Variants in SLC24A2 observed in about 807,000 individuals in gnomAD.
SLC24A2 encodes solute carrier family 24 member 2, also known as sodium/potassium/calcium exchanger 2.
SLC24A2 carries 36 observed loss-of-function variants against 62.0 expected under a neutral mutation model. The observed-to-expected ratio is 0.58, with a 90% CI of 0.44 to 0.77. The LOEUF (loss-of-function observed/expected upper bound fraction) is 0.77. Ranked by LOEUF, SLC24A2 falls within the 30% of genes least tolerant of loss-of-function variation. The pLI, the probability that SLC24A2 is intolerant of heterozygous loss-of-function variation, is 0.00. For missense variants in SLC24A2, 846 were observed against 817.9 expected (o/e 1.03, Z -0.42); for synonymous variants, 358 against 294.0 (o/e 1.22, Z -2.23).
At chr9:19,580,965 C>T (rs181534822) in intron 5 of SLC24A2, among the ~76,000 whole-genome samples, 3 of 152,180 alleles carry the variant, frequency 2.0e-5, no homozygotes, top group Non-Finnish European at 4.4e-5. Flanking sequence ...CAGGGGTCTT[C>T]TGTGAGAAAA....
chr9:20,061,160 G>C, the SLC24A2 span, among the ~76,000 whole-genome samples: 1 of 152,072 alleles, frequency 6.6e-6, no homozygotes, highest in Non-Finnish European at 1.5e-5. Flanking sequence ...AAGCAATTTT[G>C]AAGAAAAACA....
At chr9:20,155,366 T>C in the SLC24A2 span, among the ~76,000 whole-genome samples, 1 of 151,724 alleles carries the variant, frequency 6.6e-6, no homozygotes, top group African/African-American at 2.4e-5. Context: ...CTCCTAATAT[T>C]GGACTGACTT....
At chr9:19,860,890 C>A in the SLC24A2 span, among the ~76,000 whole-genome samples, 22 of 152,244 alleles carry the variant, frequency 1.4e-4, no homozygotes, top group African/African-American at 5.3e-4. Context: ...TGGGAAGAAC[C>A]GTGTCTTGTG....
chr9:19,679,925 T>A (rs538052911), intron 2 of SLC24A2, among the ~76,000 whole-genome samples: 1 of 152,070 alleles, frequency 6.6e-6, no homozygotes, highest in East Asian at 1.9e-4. Context: ...TCTGTTTCTC[T>A]GGAGAACCCT....
the SLC24A2 span, among the ~76,000 whole-genome samples, chr9:20,101,813 G>T: frequency 1.3e-5 from 2 of 152,152 alleles, no homozygotes; most frequent in Non-Finnish European, 1.5e-5. Context: ...CTTAAGGGAA[G>T]GGAGGGTACC....
the SLC24A2 span, among the ~76,000 whole-genome samples, chr9:19,869,159 T>G: frequency 6.6e-6 from 1 of 152,098 alleles, no homozygotes; most frequent in Non-Finnish European, 1.5e-5. Flanking sequence ...TTTTTTATTA[T>G]TAGTGGAGAT....
At chr9:20,000,259 A>T in the SLC24A2 span, among the ~76,000 whole-genome samples, 2 of 152,210 alleles carry the variant, frequency 1.3e-5, no homozygotes, top group Middle Eastern at 3.2e-3. Flanking sequence ...AGCATATTAC[A>T]TGGACTTTGC....
the SLC24A2 span, among the ~76,000 whole-genome samples, chr9:20,056,700 A>T: frequency 6.6e-6 from 1 of 152,120 alleles, no homozygotes; most frequent in African/African-American, 2.4e-5. Context: ...ATATGACCTG[A>T]TCTCTGCCAC....
the SLC24A2 span, among the ~76,000 whole-genome samples, chr9:19,948,182 T>C: frequency 6.6e-6 from 1 of 152,224 alleles, no homozygotes; most frequent in Admixed American, 6.5e-5. Context: ...CCACAGTTCC[T>C]TGCAATATTC....
chr9:19,765,373 T>C (rs1189235655), intron 2 of SLC24A2, among the ~76,000 whole-genome samples: 5 of 152,220 alleles, frequency 3.3e-5, no homozygotes, highest in African/African-American at 1.2e-4. Flanking sequence ...CATTAGTTGA[T>C]GCAGTTTCTT....
chr9:19,597,041 T>C (rs1049294753), intron 5 of SLC24A2, among the ~76,000 whole-genome samples, 188 bp downstream of exon 5: 1 of 152,144 alleles, frequency 6.6e-6, no homozygotes, highest in Non-Finnish European at 1.5e-5. Flanking sequence ...TGATTACCCA[T>C]GGTATTGCAC....
the SLC24A2 span, among the ~76,000 whole-genome samples, chr9:20,220,714 C>T: frequency 1.3e-5 from 2 of 152,244 alleles, no homozygotes; most frequent in Non-Finnish European, 2.9e-5. Context: ...ACTTAGAACG[C>T]TGTCACGATG....
chr9:20,183,714 G>T, the SLC24A2 span, among the ~76,000 whole-genome samples: 1 of 152,196 alleles, frequency 6.6e-6, no homozygotes, highest in Admixed American at 6.5e-5. Flanking sequence ...AATCATTTGG[G>T]GGATGAAAGC....
chr9:20,225,848 G>T, the SLC24A2 span, among the ~76,000 whole-genome samples: 7 of 151,716 alleles, frequency 4.6e-5, no homozygotes, highest in Admixed American at 2.6e-4. Flanking sequence ...TGAGGATATT[G>T]TTTCCCAGCA....
chr9:20,230,255 G>C, the SLC24A2 span, among the ~76,000 whole-genome samples: 1 of 152,146 alleles, frequency 6.6e-6, no homozygotes, highest in Admixed American at 6.5e-5. Flanking sequence ...ACCCAGTAAT[G>C]GGATGGCTGG....
At chr9:20,011,268 T>A in the SLC24A2 span, among the ~76,000 whole-genome samples, 12 of 152,234 alleles carry the variant, frequency 7.9e-5, no homozygotes, top group East Asian at 2.3e-3. Context: ...CTCTCCAGCA[T>A]CTGTTGTTTC....
intron 8 of SLC24A2, among the ~76,000 whole-genome samples, chr9:19,534,557 T>A (rs958644382): frequency 6.6e-6 from 1 of 150,762 alleles, no homozygotes; most frequent in Non-Finnish European, 1.5e-5. Context: ...CCTCCCCGGG[T>A]CCATGTTATC....
At chr9:19,962,632 A>C in the SLC24A2 span, among the ~76,000 whole-genome samples, 263 of 152,278 alleles carry the variant, frequency 1.7e-3, 1 homozygote, top group African/African-American at 5.8e-3. Flanking sequence ...GCAATTGTGA[A>C]TGGGAGTTCA....
the SLC24A2 span, among the ~76,000 whole-genome samples, chr9:20,283,476 C>G: frequency 2.0e-5 from 3 of 152,136 alleles, no homozygotes. Flanking sequence ...GACCTAGAAG[C>G]AGCAAACAAG....
Sources: gnomAD v4.1 joint callset for allele counts (sites outside exome capture counted in the v4.1 genomes callset) on GRCh38, gnomAD v4.1.1 for gene constraint, MANE v1.5 for transcripts, NCBI Gene and HGNC (gene_info 2026-07-23, HGNC 2026-07-21) for gene names.